The following SLC35F1 variants were observed in gnomAD, a reference collection of about 807,000 sequenced individuals.
SLC35F1 encodes the protein chromosome 6 open reading frame 169.
Under a neutral mutation model 48.7 loss-of-function variants are expected in SLC35F1, and 14 were observed. That is an observed-to-expected ratio of 0.29 (90% CI 0.19 to 0.45). The LOEUF is 0.45. Among genes scored for constraint, SLC35F1 ranks in the 20% least tolerant of loss-of-function variants. The probability of loss-of-function intolerance (pLI) is 1.00; values close to 1 mark genes in which losing one functional copy is unlikely to be tolerated. For synonymous variants in SLC35F1, 190 were observed against 202.2 expected, an observed-to-expected ratio of 0.94 and a Z score of 0.51; for missense variants, 404 against 500.0, an observed-to-expected ratio of 0.81 and a Z score of 1.83.
At chr6:118,010,525 C>A (rs780287107) in intron 1 of SLC35F1, among the ~76,000 whole-genome samples, 6 of 151,998 alleles carry the variant, frequency 3.9e-5, no homozygotes, top group Admixed American at 6.6e-5. Context: ...ATTTTTGACC[C>A]TTTTTAAGGC....
chr6:118,184,185 G>A (rs900006994), intron 2 of SLC35F1, among the ~76,000 whole-genome samples: 4 of 152,104 alleles, frequency 2.6e-5, no homozygotes, highest in South Asian at 2.1e-4. Context: ...GTCTCCCCAC[G>A]GTGGGGACAA....
chr6:118,109,176 G>A (rs1368395151), intron 1 of SLC35F1, among the ~76,000 whole-genome samples: 2 of 152,170 alleles, frequency 1.3e-5, no homozygotes, highest in Non-Finnish European at 2.9e-5. Flanking sequence ...AAATCTGAAT[G>A]TTTGAAGTAA....
intron 1 of SLC35F1, among the ~76,000 whole-genome samples, chr6:117,996,624 G>A (rs1413563537): frequency 6.6e-6 from 1 of 152,168 alleles, no homozygotes; most frequent in Non-Finnish European, 1.5e-5. Flanking sequence ...CGCGGTTCAT[G>A]AAAATCTGCT....
intron 1 of SLC35F1, among the ~76,000 whole-genome samples, chr6:118,056,439 G>T (rs1421476400): frequency 6.6e-6 from 1 of 152,120 alleles, no homozygotes; most frequent in Non-Finnish European, 1.5e-5. Flanking sequence ...TAACATAAAA[G>T]AAGACTTTTT....
intron 2 of SLC35F1, among the ~76,000 whole-genome samples, chr6:118,175,066 C>T (rs1455733677): frequency 2.6e-5 from 4 of 152,076 alleles, no homozygotes; most frequent in African/African-American, 7.2e-5. Flanking sequence ...TGTACTTCAT[C>T]GCATTTGTTA....
At position 117,999,048 on chromosome 6, in the gene SLC35F1, G is replaced by A. The variant is rs185905255; in HGVS notation, c.173+91149G>A. ...CACAGAAATGGTATCAAGAAACCCCGATCACAAAGATACGAATCTCTTAAG... is the reference window on the plus strand; with the variant it reads ...CACAGAAATGGTATCAAGAAACCCCAATCACAAAGATACGAATCTCTTAAG... On this transcript the variant is annotated intron_variant, in intron 1 of 7. Transcript: ENST00000360388. The A allele has an allele frequency of 3.5e-5, 51 of 1,476,244 alleles. No individual in the cohort carries two copies. The East Asian group carries it at 9.3e-4, about 27-fold the overall frequency. 91.4% of individuals were successfully genotyped at this position (1,476,244 alleles called of 1,614,324 possible).
intron 1 of SLC35F1, among the ~76,000 whole-genome samples, chr6:118,090,262 T>C: frequency 6.6e-6 from 1 of 152,160 alleles, no homozygotes; most frequent in South Asian, 2.1e-4. Flanking sequence ...AGTATTGTCA[T>C]TTAGTCCTAG....
At chr6:118,054,599 A>G (rs1772437239) in intron 1 of SLC35F1, among the ~76,000 whole-genome samples, 1 of 151,956 alleles carries the variant, frequency 6.6e-6, no homozygotes, top group Non-Finnish European at 1.5e-5. Flanking sequence ...TGTGAGAGTT[A>G]TTTCCCCACG....
At chr6:118,298,658 C>A (rs1253066792) in intron 7 of SLC35F1, among the ~76,000 whole-genome samples, 1 of 152,214 alleles carries the variant, frequency 6.6e-6, no homozygotes, top group East Asian at 1.9e-4. Flanking sequence ...AGTCAGCCAA[C>A]TCCACTTCTT....
intron 4 of SLC35F1, among the ~76,000 whole-genome samples, chr6:118,274,754 G>C (rs1335893707): frequency 1.3e-5 from 2 of 152,184 alleles, no homozygotes; most frequent in African/African-American, 2.4e-5. Context: ...ATGTGATAGT[G>C]AATTACATAT....
intron 3 of SLC35F1, among the ~76,000 whole-genome samples, chr6:118,251,245 T>A (rs1412036749): frequency 6.6e-6 from 1 of 152,018 alleles, no homozygotes; most frequent in Non-Finnish European, 1.5e-5. Flanking sequence ...ACGGAGTGAA[T>A]AAATGAGTCA....
At chr6:118,130,747 A>T (rs1043924995) in intron 1 of SLC35F1, among the ~76,000 whole-genome samples, 1 of 152,076 alleles carries the variant, frequency 6.6e-6, no homozygotes, top group African/African-American at 2.4e-5. Flanking sequence ...TGCATGAAGC[A>T]CTATTACTAT....
At chr6:118,107,055 G>C in intron 1 of SLC35F1, among the ~76,000 whole-genome samples, 1 of 152,176 alleles carries the variant, frequency 6.6e-6, no homozygotes, top group African/African-American at 2.4e-5. Flanking sequence ...CTTAATTCTG[G>C]TTTTCCCCAA....
Position 118,181,780 on chromosome 6 carries a change from A to T in SLC35F1, c.349+27160A>T, listed in dbSNP as rs193205452. On this transcript the variant is annotated intron_variant, in intron 2 of 7. Coordinates refer to ENST00000360388, the MANE Select transcript of SLC35F1 (RefSeq NM_001029858.4). Reference sequence around the variant, plus strand: ...AATAAATTTGGTAAACTCCAAAAAGAGAGCTACTTTAGATATATTCGATAT... The same window carrying T: ...AATAAATTTGGTAAACTCCAAAAAGTGAGCTACTTTAGATATATTCGATAT... Among the ~76,000 whole-genome samples the T allele has an allele frequency of 6.1e-4, 93 of 152,296 alleles. 1 individual carries two copies. The highest frequency in any genetic ancestry group is 7.2e-4 in the Non-Finnish European group (49 of 68,006).
intron 3 of SLC35F1, among the ~76,000 whole-genome samples, chr6:118,248,631 G>A (rs1255521880): frequency 2.0e-5 from 3 of 152,270 alleles, no homozygotes; most frequent in East Asian, 3.9e-4. Flanking sequence ...CAGGGAAAGG[G>A]ATTGTCTCCT....
chr6:118,122,328 T>C (rs1421957860), intron 1 of SLC35F1, among the ~76,000 whole-genome samples: 1 of 152,038 alleles, frequency 6.6e-6, no homozygotes, highest in Non-Finnish European at 1.5e-5. Flanking sequence ...GTGGTGAACC[T>C]GTGACAGTGT....
At chr6:117,982,203 A>C (rs1776789725) in intron 1 of SLC35F1, among the ~76,000 whole-genome samples, 1 of 152,210 alleles carries the variant, frequency 6.6e-6, no homozygotes, top group African/African-American at 2.4e-5. Context: ...GTGATCTGTA[A>C]ATCAGTTATA....
At chr6:118,121,142 A>T (rs138879760) in intron 1 of SLC35F1, among the ~76,000 whole-genome samples, 93 of 152,310 alleles carry the variant, frequency 6.1e-4, no homozygotes, top group African/African-American at 2.1e-3. Context: ...TAGACTTAGC[A>T]TCTGTTTCTT....
chr6:118,228,310 TGG>T (rs1491194408), intron 2 of SLC35F1, among the ~76,000 whole-genome samples: 141,253 of 151,984 alleles, frequency 0.93, 65,652 homozygotes, highest in East Asian at 0.98. Context: ...TCATACTAAA[TGG>T]AATAGTTTTA....
Sources: allele counts gnomAD v4.1 joint callset (sites outside exome capture counted in the v4.1 genomes callset), GRCh38; gene constraint gnomAD v4.1.1; transcripts MANE v1.5; gene names NCBI Gene and HGNC (gene_info 2026-07-23, HGNC 2026-07-21).